The following STXBP6 variants were observed in gnomAD, a reference collection of about 807,000 sequenced individuals.
STXBP6 encodes syntaxin-binding protein 6.
A neutral mutation model predicts 26.9 loss-of-function variants in STXBP6; 21 were observed. That is an observed-to-expected ratio of 0.78 (90% confidence interval 0.55 to 1.12). STXBP6 has a LOEUF of 1.12. STXBP6 is among the 50% of genes most tolerant of loss of function. The pLI is 0.00. For synonymous variants in STXBP6, 97 were observed against 92.6 expected, an observed-to-expected ratio of 1.05 and a Z score of -0.27; for missense variants, 232 against 257.9, an observed-to-expected ratio of 0.90 and a Z score of 0.69.
intron 4 of STXBP6, among the ~76,000 whole-genome samples, chr14:24,850,027 A>G (rs1334912626): frequency 6.6e-6 from 1 of 152,174 alleles, no homozygotes; most frequent in Non-Finnish European, 1.5e-5. Flanking sequence ...GAAAAATAAC[A>G]TAAAAATCAT....
At chr14:24,877,120 CA>C (rs2070173063) in intron 2 of STXBP6, among the ~76,000 whole-genome samples, 1 of 152,108 alleles carries the variant, frequency 6.6e-6, no homozygotes, top group South Asian at 2.1e-4. Context: ...CGTGGTTAAA[CA>C]AAACAAAGAA....
chr14:24,951,678 T>A (rs937810130), intron 2 of STXBP6, among the ~76,000 whole-genome samples: 1 of 152,196 alleles, frequency 6.6e-6, no homozygotes, highest in African/African-American at 2.4e-5. Context: ...TAATTTTTGG[T>A]CATTCTTCAT....
chr14:24,845,168 G>C (rs570190059), intron 4 of STXBP6, among the ~76,000 whole-genome samples: 5 of 152,048 alleles, frequency 3.3e-5, no homozygotes, highest in South Asian at 2.1e-4. Flanking sequence ...TGTGCCACCA[G>C]GCCTGGCTAA....
At chr14:24,918,704 C>T (rs544909165) in intron 2 of STXBP6, among the ~76,000 whole-genome samples, 130 of 152,094 alleles carry the variant, frequency 8.5e-4, no homozygotes, top group Middle Eastern at 3.4e-3. Context: ...TCCCTTATTA[C>T]GGCAGTTTAA....
intron 2 of STXBP6, among the ~76,000 whole-genome samples, chr14:24,869,413 C>T (rs967463279): frequency 1.3e-5 from 2 of 152,154 alleles, no homozygotes; most frequent in Non-Finnish European, 2.9e-5. Flanking sequence ...ATTTATGTAG[C>T]AGCCTATGAA....
At chr14:24,864,664 G>A (rs2069657183) in intron 2 of STXBP6, among the ~76,000 whole-genome samples, 1 of 152,138 alleles carries the variant, frequency 6.6e-6, no homozygotes, top group African/African-American at 2.4e-5. Context: ...AAGAGTAACA[G>A]AGAGAGAATT....
At chr14:25,000,188 T>C (rs1252926207) in intron 1 of STXBP6, among the ~76,000 whole-genome samples, 3 of 151,962 alleles carry the variant, frequency 2.0e-5, no homozygotes, top group Middle Eastern at 3.2e-3. Flanking sequence ...TCAGCCTCAG[T>C]AGTAGCTGGG....
At chr14:24,913,396 T>C (rs1239764925) in intron 2 of STXBP6, among the ~76,000 whole-genome samples, 1 of 152,204 alleles carries the variant, frequency 6.6e-6, no homozygotes, top group Non-Finnish European at 1.5e-5. Flanking sequence ...GTATGCTAAT[T>C]GTTCTGATCT....
intron 1 of STXBP6, among the ~76,000 whole-genome samples, chr14:25,045,273 A>G (rs2075707619): frequency 1.3e-5 from 2 of 152,180 alleles, no homozygotes; most frequent in South Asian, 4.1e-4. Flanking sequence ...ATAGTCTTTG[A>G]TATAATGATG....
At chr14:24,850,512 A>T (rs1406350035) in intron 4 of STXBP6, among the ~76,000 whole-genome samples, 2 of 152,140 alleles carry the variant, frequency 1.3e-5, no homozygotes, top group Non-Finnish European at 2.9e-5. Context: ...TCAAATTCTG[A>T]ATACAGCTAA....
At chr14:25,005,361 A>ATAT (rs1478014975) in intron 1 of STXBP6, among the ~76,000 whole-genome samples, 1 of 152,212 alleles carries the variant, frequency 6.6e-6, no homozygotes, top group Non-Finnish European at 1.5e-5. Context: ...GAACTATATA[A>ATAT]ATGCACATCA....
intron 4 of STXBP6, among the ~76,000 whole-genome samples, chr14:24,849,990 T>A (rs2069091877): frequency 6.6e-6 from 1 of 152,126 alleles, no homozygotes. Flanking sequence ...CCAAAGTCTT[T>A]ATTCATTGAC....
intron 4 of STXBP6, among the ~76,000 whole-genome samples, chr14:24,838,326 T>C (rs1422805702): frequency 6.6e-6 from 1 of 152,170 alleles, no homozygotes; most frequent in Non-Finnish European, 1.5e-5. Context: ...CACTGGTTTT[T>C]AAATAAGCAT....
chr14:24,947,213 G>A lies in STXBP6; in HGVS notation c.154+27452C>T, dbSNP rs572911062. Among the ~76,000 whole-genome samples the A allele has an allele frequency of 4.8e-5, 5 of 104,986 alleles. No homozygotes were observed. In the South Asian group the frequency reaches 1.8e-3, roughly 37 times the overall value. The allele number at this position is 104,986 out of a possible 152,430, so 68.9% of individuals were successfully genotyped here. A position where few individuals can be genotyped will look rare whatever the true frequency, so the allele number is the denominator to read the frequency against. On this transcript the variant is annotated intron_variant, in intron 2 of 5. Transcript: ENST00000323944. ...ATTAATAGAGAGCTCCATATGTGAA[G>A]GGAAAGCAAAATAATTCAGTTTTCT...
chr14:25,029,270 T>C (rs1401195371), intron 1 of STXBP6, among the ~76,000 whole-genome samples: 1 of 152,114 alleles, frequency 6.6e-6, no homozygotes, highest in Non-Finnish European at 1.5e-5. Flanking sequence ...ACTGCTATCT[T>C]ATTTTAAGAA....
At chr14:24,912,607 C>A (rs1232179587) in intron 2 of STXBP6, among the ~76,000 whole-genome samples, 1 of 152,106 alleles carries the variant, frequency 6.6e-6, no homozygotes, top group Admixed American at 6.6e-5. Context: ...GTTTAAATAA[C>A]AATTTATTAA....
At chr14:25,007,042 T>C (rs925252348) in intron 1 of STXBP6, among the ~76,000 whole-genome samples, 7 of 152,218 alleles carry the variant, frequency 4.6e-5, no homozygotes, top group Non-Finnish European at 5.9e-5. Flanking sequence ...AATCAGCATA[T>C]GACATAGACT....
chr14:25,016,990 G>A (rs566900060), intron 1 of STXBP6, among the ~76,000 whole-genome samples: 2 of 152,292 alleles, frequency 1.3e-5, no homozygotes, highest in East Asian at 3.9e-4. Flanking sequence ...TGCGGAGTAT[G>A]CAGTTAAACG....
chr14:24,936,611 TAAGTA>T (rs887478969), intron 2 of STXBP6, among the ~76,000 whole-genome samples: 30 of 152,306 alleles, frequency 2.0e-4, no homozygotes, highest in Middle Eastern at 3.4e-3. Flanking sequence ...TAACAGTAAA[TAAGTA>T]AAGAGACCCA....
Sources: allele counts gnomAD v4.1 joint callset (sites outside exome capture counted in the v4.1 genomes callset), GRCh38; gene constraint gnomAD v4.1.1; transcripts MANE v1.5; gene names NCBI Gene and HGNC (gene_info 2026-07-23, HGNC 2026-07-21).